Variants in RCAN1 observed in about 807,000 individuals in gnomAD.
RCAN1 encodes the protein regulator of calcineurin 1.
In RCAN1, 11 loss-of-function variants were observed where a neutral mutation model predicts 22.9. That is an observed-to-expected ratio of 0.48 (90% confidence interval 0.30 to 0.79). RCAN1 has a LOEUF of 0.79. Among genes scored for constraint, RCAN1 ranks in the 30% least tolerant of loss-of-function variants. The probability of loss-of-function intolerance (pLI) is 0.06; values close to 1 mark genes in which losing one functional copy is unlikely to be tolerated. For synonymous variants in RCAN1, 136 were observed against 142.3 expected, an observed-to-expected ratio of 0.96 and a Z score of 0.32; for missense variants, 291 against 337.8, an observed-to-expected ratio of 0.86 and a Z score of 1.09.
chr21:34,607,629 A>C (rs928721306), intron 1 of RCAN1, among the ~76,000 whole-genome samples: 1 of 152,168 alleles, frequency 6.6e-6, no homozygotes, highest in Non-Finnish European at 1.5e-5. Flanking sequence ...GGCCTCCCAA[A>C]GTGTTGGAAT....
intron 1 of RCAN1, among the ~76,000 whole-genome samples, chr21:34,545,246 G>A (rs1396942511): frequency 6.6e-6 from 1 of 152,202 alleles, no homozygotes; most frequent in Non-Finnish European, 1.5e-5. Context: ...TCACAGCATT[G>A]CACAACGGGC....
intron 1 of RCAN1, among the ~76,000 whole-genome samples, chr21:34,591,025 G>A (rs1309294364): frequency 6.6e-6 from 1 of 152,152 alleles, no homozygotes. Context: ...GTAGTGTTCT[G>A]AAGAAGAAAC....
intron 1 of RCAN1, among the ~76,000 whole-genome samples, chr21:34,606,849 C>T (rs955437829): frequency 8.5e-5 from 13 of 152,160 alleles, no homozygotes; most frequent in Non-Finnish European, 8.8e-5. Flanking sequence ...GCTGGGACCT[C>T]GACCTCAGAC....
At chr21:34,530,532 G>T (rs1254011811) in intron 1 of RCAN1, among the ~76,000 whole-genome samples, 1 of 151,542 alleles carries the variant, frequency 6.6e-6, no homozygotes, top group African/African-American at 2.4e-5. Context: ...CAAAAAATGA[G>T]GCAACTTGCA....
At chr21:34,527,043 G>A in intron 1 of RCAN1, 1 of 1,067,620 alleles carries the variant, frequency 9.4e-7, no homozygotes, top group Non-Finnish European at 1.2e-6. Flanking sequence ...AACTTTGCTT[G>A]GGGAGAATGG....
chr21:34,530,616 G>GT (rs59150851), intron 1 of RCAN1, among the ~76,000 whole-genome samples: 3,825 of 66,132 alleles, frequency 0.058, 369 homozygotes, highest in South Asian at 0.13. Context: ...TAGTGAAATA[G>GT]TTTTTTTTTT....
chr21:34,532,259 G>T (rs1033122202), intron 1 of RCAN1, among the ~76,000 whole-genome samples: 2 of 152,092 alleles, frequency 1.3e-5, no homozygotes, highest in East Asian at 3.9e-4. Flanking sequence ...CTGACTTTGC[G>T]GGGTTCTTTG....
At chr21:34,557,698 T>C (rs1471363126) in intron 1 of RCAN1, among the ~76,000 whole-genome samples, 2 of 152,198 alleles carry the variant, frequency 1.3e-5, no homozygotes, top group African/African-American at 2.4e-5. Context: ...ACTTGAAAGA[T>C]GAGAAAGGTG....
chr21:34,575,201 C>T (rs1454024213), intron 1 of RCAN1, among the ~76,000 whole-genome samples: 1 of 152,216 alleles, frequency 6.6e-6, no homozygotes, highest in Admixed American at 6.5e-5. Flanking sequence ...GCTACCTGGC[C>T]TTTCTTCAGG....
chr21:34,543,705 T>C (rs1986014273), intron 1 of RCAN1, among the ~76,000 whole-genome samples: 2 of 152,266 alleles, frequency 1.3e-5, no homozygotes, highest in African/African-American at 2.4e-5. Flanking sequence ...TGTCCTTTTA[T>C]TTCTTCTTCT....
At chr21:34,555,204 A>G (rs1458327620) in intron 1 of RCAN1, among the ~76,000 whole-genome samples, 1 of 152,260 alleles carries the variant, frequency 6.6e-6, no homozygotes, top group African/African-American at 2.4e-5. Context: ...CAGAAGAGAC[A>G]GATCACTGAA....
At position 34,614,706 on chromosome 21, in the gene RCAN1, C is replaced by T; in HGVS notation, c.252+54G>A. 1 of 1,335,608 alleles carries T rather than the reference C, an allele frequency of 7.5e-7. No homozygotes were observed. The highest frequency in any genetic ancestry group is 9.6e-7 in the Non-Finnish European group (1 of 1,039,932). 82.7% of individuals were successfully genotyped at this position (1,335,608 alleles called of 1,614,324 possible). ...GGCGCTGCGACCCGCGCCGCCTCCT[C>T]GGGCAACAAGTGTCCGCCCTCCGCC... On this transcript the variant is annotated intron_variant, in intron 1 of 3. Transcript: ENST00000313806. The surrounding 1 kb of genome is among the most constrained non-coding windows in gnomAD (Gnocchi z 6.0).
In RCAN1 at chr21:34,573,952, C is replaced by T. The variant is rs1202172753; in HGVS notation, c.252+40808G>A. Among the ~76,000 whole-genome samples the T allele has an allele frequency of 2.6e-5, 4 of 152,096 alleles. No homozygotes were observed. The East Asian group carries it at 7.7e-4, about 29-fold the overall frequency. ...AGGAAAATATAAGACATACAGAGTTCCTATTTAGGAGGCCCAGCATTACTA... is the reference window on the plus strand; with the variant it reads ...AGGAAAATATAAGACATACAGAGTTTCTATTTAGGAGGCCCAGCATTACTA... On this transcript the variant is annotated intron_variant, in intron 1 of 3. Transcript: ENST00000313806.
chr21:34,578,640 G>A (rs1191080730), intron 1 of RCAN1, among the ~76,000 whole-genome samples: 1 of 152,210 alleles, frequency 6.6e-6, no homozygotes, highest in Non-Finnish European at 1.5e-5. Flanking sequence ...TGCCCAGGGA[G>A]GAAGAGAGGC....
At position 34,532,516 on chromosome 21, in the gene RCAN1, T is replaced by C. The variant is rs147155704; in HGVS notation, c.253-8806A>G. ...GAACCTCCTGACGGCTTGAGCCACA[T>C]CTTATTCCACTTGATAGTCCTGGTG... On this transcript the variant is annotated intron_variant, in intron 1 of 3. Transcript: ENST00000313806. 6.7e-4 allele frequency among the ~76,000 whole-genome samples: 102 copies of C among 152,336 alleles called. 1 individual carries two copies. The South Asian group carries it at 7.2e-3, about 11-fold the overall frequency.
Position 34,524,990 on chromosome 21 carries a change from T to C in RCAN1, c.253-1280A>G, listed in dbSNP as rs1267509181. The C allele has an allele frequency of 2.0e-6, 3 of 1,508,710 alleles. No individual in the cohort carries two copies. The East Asian group carries it at 7.4e-5, about 37-fold the overall frequency. The allele number at this position is 1,508,710 out of a possible 1,614,324, so 93.5% of individuals were successfully genotyped here. On this transcript the variant is annotated intron_variant, in intron 1 of 3. Transcript: ENST00000313806. The stretch of plus-strand genomic sequence containing the variant: ...CCAGGCAAAAACACTTAGGACAGTT[T>C]GTGGGAGCCCGTGTGAAAGGCAGAA...
chr21:34,523,478 C>A, intron 2 of RCAN1, 59 bp downstream of exon 2: 1 of 1,566,246 alleles, frequency 6.4e-7, no homozygotes, highest in Non-Finnish European at 8.7e-7. Flanking sequence ...GTATAAGCTG[C>A]TTTACAAAAG....
chr21:34,536,536 T>G (rs372347447), intron 1 of RCAN1, among the ~76,000 whole-genome samples: 1 of 152,078 alleles, frequency 6.6e-6, no homozygotes, highest in African/African-American at 2.4e-5. Context: ...ACACGCAAAG[T>G]AGGAATTCTA....
At chr21:34,557,242 A>T (rs11910434) in intron 1 of RCAN1, among the ~76,000 whole-genome samples, 36,719 of 152,026 alleles carry the variant, frequency 0.24, 5,168 homozygotes, top group African/African-American at 0.39. Context: ...AATTAAATTT[A>T]AAAAAGCTGT....
Sources: allele counts gnomAD v4.1 joint callset (sites outside exome capture counted in the v4.1 genomes callset), GRCh38; gene constraint gnomAD v4.1.1; non-coding constraint Gnocchi (gnomAD v3.1); transcripts MANE v1.5; gene names NCBI Gene and HGNC (gene_info 2026-07-23, HGNC 2026-07-21).